The following FRMPD2 variants were observed in gnomAD, a reference collection of about 807,000 sequenced individuals.
FRMPD2 encodes the protein FERM and PDZ domain containing 2.
Under a neutral mutation model 140.1 loss-of-function variants are expected in FRMPD2, and 96 were observed. The observed-to-expected ratio is 0.69, with a 90% CI of 0.58 to 0.81. The LOEUF (loss-of-function observed/expected upper bound fraction) is 0.81, where lower values mean the gene tolerates loss of function less well. Ranked by LOEUF, FRMPD2 falls within the 40% of genes least tolerant of loss-of-function variation. FRMPD2 has a pLI of 0.00. For synonymous variants in FRMPD2, 449 were observed against 547.6 expected, an observed-to-expected ratio of 0.82 and a Z score of 2.52; for missense variants, 1,240 against 1,447.4, an observed-to-expected ratio of 0.86 and a Z score of 2.32.
chr10:48,251,104 G>A (rs1422843117), intron 2 of FRMPD2, among the ~76,000 whole-genome samples: 1 of 152,118 alleles, frequency 6.6e-6, no homozygotes, highest in Admixed American at 6.5e-5. Flanking sequence ...TGCCCAGCCA[G>A]GTCTGCCTTC....
In FRMPD2 at chr10:48,201,703, A is replaced by G. The variant is rs17010621; in HGVS notation, c.1798-319T>C. On this transcript the variant is annotated intron_variant, in intron 14 of 28. Transcript: ENST00000374201. ...GGACGGAACCTAACCCTCAGTGTGC[A>G]TTATGACAAGCCACTAAGTATTCCC... 891 of 177,380 alleles carry G rather than the reference A, an allele frequency of 5.0e-3. 7 individuals carry two copies. The highest frequency in any genetic ancestry group is 0.02 in the African/African-American group (835 of 42,466). 11.0% of individuals were successfully genotyped at this position (177,380 alleles called of 1,614,324 possible).
At chr10:48,216,087 T>G (rs1473303916) in intron 12 of FRMPD2, among the ~76,000 whole-genome samples, 2 of 152,206 alleles carry the variant, frequency 1.3e-5, no homozygotes, top group Non-Finnish European at 2.9e-5. Flanking sequence ...CTCTTGCCTT[T>G]GGATTCAGGC....
intron 13 of FRMPD2, among the ~76,000 whole-genome samples, chr10:48,207,878 G>A (rs1401559286): frequency 5.3e-5 from 8 of 152,048 alleles, no homozygotes; most frequent in African/African-American, 1.2e-4. Flanking sequence ...ACAAATTATG[G>A]CTTTTGAGAG....
chr10:48,189,074 AG>A (rs1182935557), intron 16 of FRMPD2, among the ~76,000 whole-genome samples: 3 of 152,206 alleles, frequency 2.0e-5, no homozygotes, highest in African/African-American at 7.2e-5. Flanking sequence ...TTAGGATGGT[AG>A]GTGTTATATT....
At chr10:48,227,702 C>T (rs60055960) in intron 10 of FRMPD2, among the ~76,000 whole-genome samples, 77 of 152,212 alleles carry the variant, frequency 5.1e-4, no homozygotes, top group African/African-American at 1.7e-3. Context: ...TTTTAGAGAG[C>T]CCTCATCATG....
intron 13 of FRMPD2, among the ~76,000 whole-genome samples, chr10:48,210,128 G>A (rs1180390645): frequency 6.6e-6 from 1 of 152,104 alleles, no homozygotes; most frequent in South Asian, 2.1e-4. Context: ...TAATCAGGGA[G>A]GGGGAGAAAA....
In FRMPD2 at chr10:48,212,017, G is replaced by A. The variant is rs773964453; in HGVS notation, c.1548C>T (p.Val516=). The change falls in exon 13 of 29, where the codon GTC becomes GTT. Residue 516 remains valine (V), a synonymous_variant. Transcript: ENST00000374201. ...RMTALRVQVE[V]SEMHRLSSAL... Reference sequence around the variant, plus strand: ...CAGAGCTGAGCCGGTGCATCTCTGAGACTTCAACCTGGACCCGTAGAGCGG... The same window carrying A: ...CAGAGCTGAGCCGGTGCATCTCTGAAACTTCAACCTGGACCCGTAGAGCGG... 8.8e-5 allele frequency: 142 copies of A among 1,613,986 alleles called. No homozygotes were observed. The highest frequency in any genetic ancestry group is 1.1e-4 in the African/African-American group (8 of 74,906).
chr10:48,188,625 A>C (rs1189549705), intron 16 of FRMPD2, among the ~76,000 whole-genome samples: 1 of 152,198 alleles, frequency 6.6e-6, no homozygotes, highest in Non-Finnish European at 1.5e-5. Flanking sequence ...CAAGGTGCCC[A>C]GGGAGAGGCT....
In FRMPD2 at chr10:48,172,446, G is replaced by T. The variant is rs1039432; in HGVS notation, c.3223+500C>A. Among the ~76,000 whole-genome samples the T allele has an allele frequency of 5.9e-5, 9 of 152,312 alleles. 1 individual carries two copies. Among genetic ancestry groups the T allele is most frequent in the South Asian group, 4.1e-4 (2 of 4,824 alleles). On this transcript the variant is annotated intron_variant, in intron 25 of 28. Transcript: ENST00000374201. Reference sequence around the variant, plus strand: ...ACCAAAATCACAAGGGAATTGCAGAGGGGCAGCCCATCGGAAAACGTGCAG... The same window carrying T: ...ACCAAAATCACAAGGGAATTGCAGATGGGCAGCCCATCGGAAAACGTGCAG...
intron 16 of FRMPD2, 29 bp downstream of exon 16, chr10:48,192,655 G>T (rs1354228038): frequency 6.3e-7 from 1 of 1,586,780 alleles, no homozygotes; most frequent in Admixed American, 1.7e-5. Context: ...TGGTGGTTTG[G>T]GCCCAGAGAA....
At chr10:48,193,279 A>G (rs1838881414) in intron 15 of FRMPD2, among the ~76,000 whole-genome samples, 1 of 152,138 alleles carries the variant, frequency 6.6e-6, no homozygotes, top group African/African-American at 2.4e-5. Flanking sequence ...TGTCCTCCCA[A>G]ACATTCTTGT....
At chr10:48,206,985 A>C in intron 13 of FRMPD2, 52 bp from the exon 14 acceptor site, 1 of 1,551,842 alleles carries the variant, frequency 6.4e-7, no homozygotes, top group Non-Finnish European at 8.8e-7. Context: ...GTTTAAAATA[A>C]TGGGCCTCAC....
intron 1 of FRMPD2, among the ~76,000 whole-genome samples, chr10:48,264,999 C>A (rs1471006490): frequency 2.0e-5 from 3 of 152,154 alleles, no homozygotes; most frequent in Non-Finnish European, 2.9e-5. Flanking sequence ...CAGCTTGGTA[C>A]TGGTACAAAA....
chr10:48,225,234 T>C (rs1301354768), intron 10 of FRMPD2, among the ~76,000 whole-genome samples: 2 of 152,070 alleles, frequency 1.3e-5, no homozygotes, highest in Non-Finnish European at 2.9e-5. Context: ...AAGTTATCAA[T>C]ACCAAAATGA....
intron 1 of FRMPD2, among the ~76,000 whole-genome samples, chr10:48,252,948 T>C (rs1840419494): frequency 6.6e-6 from 1 of 152,116 alleles, no homozygotes; most frequent in South Asian, 2.1e-4. Flanking sequence ...TAGAAACTGT[T>C]TGAGACTTAT....
chr10:48,227,186 CT>C (rs1347515638), intron 10 of FRMPD2, among the ~76,000 whole-genome samples: 2 of 152,190 alleles, frequency 1.3e-5, no homozygotes, highest in Non-Finnish European at 2.9e-5. Context: ...TGAATTGTGA[CT>C]CTTGTGAATT....
chr10:48,248,653 T>C (rs1840307584), intron 3 of FRMPD2: 1 of 157,762 alleles, frequency 6.3e-6, no homozygotes, highest in Non-Finnish European at 1.4e-5. Context: ...AATTCCTAGT[T>C]GAGGACGTGT....
Position 48,234,851 on chromosome 10 carries a change from G to A in FRMPD2, c.993+1631C>T, listed in dbSNP as rs138967520. ...AATAGCACTGTTCCCATCGCCTGGA[G>A]TCTTGGTACCTAAGCACTGCACAAG... On this transcript the variant is annotated intron_variant, in intron 9 of 28. Transcript: ENST00000374201. 1.8e-3 allele frequency among the ~76,000 whole-genome samples: 273 copies of A among 152,268 alleles called. 1 individual carries two copies. Among genetic ancestry groups the A allele is most frequent in the Admixed American group, 2.8e-3 (43 of 15,298 alleles).
intron 9 of FRMPD2, among the ~76,000 whole-genome samples, chr10:48,234,464 C>A (rs1331233353): frequency 6.6e-6 from 1 of 152,106 alleles, no homozygotes; most frequent in African/African-American, 2.4e-5. Context: ...GTTCCCAACA[C>A]CCACAGGGAA....
Sources: allele counts gnomAD v4.1 joint callset (sites outside exome capture counted in the v4.1 genomes callset), GRCh38; gene constraint gnomAD v4.1.1; transcripts MANE v1.5; gene names NCBI Gene and HGNC (gene_info 2026-07-23, HGNC 2026-07-21).